Variants in ZNRF3 observed in about 807,000 individuals in gnomAD.
ZNRF3 encodes E3 ubiquitin-protein ligase ZNRF3.
In ZNRF3, 23 loss-of-function variants were observed where a neutral mutation model predicts 72.5. The ratio of observed to expected loss-of-function variants is 0.32; its 90% CI spans 0.23 to 0.45. The LOEUF (loss-of-function observed/expected upper bound fraction) is 0.45, where lower values mean the gene tolerates loss of function less well. Ranked by LOEUF, ZNRF3 falls within the 20% of genes least tolerant of loss-of-function variation. The probability of loss-of-function intolerance (pLI) is 1.00; values close to 1 mark genes in which losing one functional copy is unlikely to be tolerated. For missense variants in ZNRF3, 1,169 were observed against 1,272.1 expected (o/e 0.92, Z 1.23); for synonymous variants, 610 against 545.3 (o/e 1.12, Z -1.65).
At chr22:29,021,196 C>T (rs1360569064) in intron 2 of ZNRF3, among the ~76,000 whole-genome samples, 4 of 151,462 alleles carry the variant, frequency 2.6e-5, no homozygotes, top group Non-Finnish European at 4.4e-5. Context: ...GTTGTGCCAT[C>T]GCACTCCAGC....
At chr22:29,040,498 T>A (rs2123879713) in intron 2 of ZNRF3, among the ~76,000 whole-genome samples, 1 of 152,166 alleles carries the variant, frequency 6.6e-6, no homozygotes, top group South Asian at 2.1e-4. Context: ...ACCGCCTTTT[T>A]TTTTTTTAAC....
intron 2 of ZNRF3, among the ~76,000 whole-genome samples, chr22:29,007,540 G>A (rs2036276090): frequency 6.6e-6 from 1 of 151,920 alleles, no homozygotes. Flanking sequence ...TACTCAGGAG[G>A]CTGAGACAAG....
At chr22:29,019,823 C>T (rs973393142) in intron 2 of ZNRF3, among the ~76,000 whole-genome samples, 5 of 152,082 alleles carry the variant, frequency 3.3e-5, no homozygotes, top group Non-Finnish European at 4.4e-5. Context: ...GTGTCTTGCC[C>T]GAGGATATCA....
intron 1 of ZNRF3, among the ~76,000 whole-genome samples, chr22:28,930,024 T>C (rs1347425401): frequency 6.6e-6 from 1 of 152,188 alleles, no homozygotes; most frequent in Non-Finnish European, 1.5e-5. Flanking sequence ...GATGGGTTTT[T>C]TATTTGTTTG....
At chr22:28,900,106 C>A (rs560680833) in intron 1 of ZNRF3, among the ~76,000 whole-genome samples, 1 of 152,184 alleles carries the variant, frequency 6.6e-6, no homozygotes, top group East Asian at 1.9e-4. Context: ...CCTCCCTTGC[C>A]CTCTGGTAAC....
chr22:28,962,390 A>G (rs374824362), intron 1 of ZNRF3, among the ~76,000 whole-genome samples: 1 of 152,152 alleles, frequency 6.6e-6, no homozygotes, highest in Non-Finnish European at 1.5e-5. Context: ...GAGGGGTGCA[A>G]TGAAGTTGTC....
At chr22:28,914,968 A>G (rs577822285) in intron 1 of ZNRF3, among the ~76,000 whole-genome samples, 152 of 152,274 alleles carry the variant, frequency 1.0e-3, no homozygotes, top group African/African-American at 3.4e-3. Context: ...GCCTTAGTTC[A>G]GGACCCATCC....
chr22:28,903,398 T>C (rs1405835284), intron 1 of ZNRF3, among the ~76,000 whole-genome samples: 3 of 152,218 alleles, frequency 2.0e-5, no homozygotes, highest in Non-Finnish European at 4.4e-5. Context: ...AAGCCTGTGC[T>C]CTGGGGGCCT....
chr22:28,978,745 A>T (rs934346000), intron 1 of ZNRF3, among the ~76,000 whole-genome samples: 1 of 152,084 alleles, frequency 6.6e-6, no homozygotes, highest in African/African-American at 2.4e-5. Context: ...AACCATTTTC[A>T]ATTCTTTAGT....
chr22:28,931,114 G>T (rs2034697997), intron 1 of ZNRF3, among the ~76,000 whole-genome samples: 1 of 152,158 alleles, frequency 6.6e-6, no homozygotes, highest in Admixed American at 6.5e-5. Flanking sequence ...AAAAGAAGTA[G>T]TCATTTCAGT....
intron 2 of ZNRF3, among the ~76,000 whole-genome samples, chr22:29,004,323 C>G (rs898182270): frequency 3.9e-5 from 6 of 152,168 alleles, no homozygotes; most frequent in African/African-American, 1.4e-4. Context: ...GAAAAAAAGC[C>G]CAGGTAGATT....
intron 1 of ZNRF3, among the ~76,000 whole-genome samples, chr22:28,979,927 G>C (rs1386566475): frequency 1.3e-5 from 2 of 152,222 alleles, no homozygotes; most frequent in East Asian, 3.8e-4. Context: ...TCCGTGGAAG[G>C]GGTGATATTT....
intron 1 of ZNRF3, among the ~76,000 whole-genome samples, chr22:28,928,445 G>A (rs1326882459): frequency 6.6e-6 from 1 of 150,436 alleles, no homozygotes; most frequent in East Asian, 2.0e-4. Flanking sequence ...TTGTCACACC[G>A]AAGAACTTGA....
chr22:28,940,620 C>T (rs2034926904), intron 1 of ZNRF3, among the ~76,000 whole-genome samples: 1 of 152,108 alleles, frequency 6.6e-6, no homozygotes, highest in African/African-American at 2.4e-5. Flanking sequence ...GGCTCTTGCC[C>T]TCCCCTTCAG....
Position 28,883,802 on chromosome 22 carries a change from G to T in ZNRF3, c.36G>T (p.Thr12=). The change falls in exon 1 of 9, where the codon ACG becomes ACT. Residue 12 remains threonine, a synonymous_variant. Coordinates refer to ENST00000544604, the MANE Select transcript of ZNRF3 (RefSeq NM_001206998.2). This position sits in a 1 kb window ranked among gnomAD's most constrained non-coding sequence, Gnocchi z 5.5. The part of the protein sequence containing the change: ...RPRSGGRPGA[T]GRRRRRLRRR... ...GCTCGGGCGGGCGCCCAGGGGCCAC[G>T]GGCCGCCGCCGCCGCCGCCTGCGCC... The T allele has an allele frequency of 2.1e-6, 2 of 975,424 alleles. No individual in the cohort carries two copies. Among genetic ancestry groups the T allele is most frequent in the South Asian group, 9.4e-5 (2 of 21,236 alleles). The allele number at this position is 975,424 out of a possible 1,614,324, so 60.4% of individuals were successfully genotyped here.
At chr22:28,902,657 GT>G (rs1437721726) in intron 1 of ZNRF3, among the ~76,000 whole-genome samples, 1 of 152,158 alleles carries the variant, frequency 6.6e-6, no homozygotes, top group African/African-American at 2.4e-5. Flanking sequence ...GACAGCTTGG[GT>G]TTGAATCCTG....
At chr22:28,949,959 G>GA (rs1173289715) in intron 1 of ZNRF3, among the ~76,000 whole-genome samples, 1 of 40,492 alleles carries the variant, frequency 2.5e-5, no homozygotes, top group Non-Finnish European at 1.2e-4. Context: ...TCGCCACGCA[G>GA]AATTTTTTTT....
chr22:28,969,179 C>T (rs896299555), intron 1 of ZNRF3, among the ~76,000 whole-genome samples: 1 of 152,198 alleles, frequency 6.6e-6, no homozygotes, highest in African/African-American at 2.4e-5. Context: ...CCCATCCCGC[C>T]CCACTTGGGC....
intron 3 of ZNRF3, 105 bp from the exon 4 acceptor site, chr22:29,043,194 G>A: frequency 7.8e-7 from 1 of 1,281,572 alleles, no homozygotes; most frequent in Non-Finnish European, 1.1e-6. Flanking sequence ...AGAGCTGGAG[G>A]ATTCCAGACA....
Sources: allele counts gnomAD v4.1 joint callset (sites outside exome capture counted in the v4.1 genomes callset), GRCh38; gene constraint gnomAD v4.1.1; non-coding constraint Gnocchi (gnomAD v3.1); transcripts MANE v1.5; gene names NCBI Gene and HGNC (gene_info 2026-07-23, HGNC 2026-07-21).